The following SYT1 variants were observed in gnomAD, a reference collection of about 807,000 sequenced individuals.
The protein encoded by SYT1 is synaptotagmin-1.
In SYT1, 8 loss-of-function variants were observed where a neutral mutation model predicts 44.8. That is an observed-to-expected ratio of 0.18 (90% CI 0.10 to 0.32). The LOEUF is 0.32. Ranked by LOEUF, SYT1 falls within the 10% of genes least tolerant of loss-of-function variation. The pLI is 1.00. For synonymous variants in SYT1, 154 were observed against 188.8 expected, an observed-to-expected ratio of 0.82 and a Z score of 1.51; for missense variants, 286 against 509.3, an observed-to-expected ratio of 0.56 and a Z score of 4.22.
intron 9 of SYT1, among the ~76,000 whole-genome samples, chr12:79,414,127 T>C (rs1868593558): frequency 6.6e-6 from 1 of 152,220 alleles, no homozygotes; most frequent in African/African-American, 2.4e-5. Flanking sequence ...TCTATTTTTC[T>C]TCCTCTATAG....
chr12:79,086,650 G>A (rs1372630820), intron 3 of SYT1, among the ~76,000 whole-genome samples: 2 of 152,278 alleles, frequency 1.3e-5, no homozygotes, highest in East Asian at 1.9e-4. Context: ...AACTATTTGT[G>A]TGTTGGCTTG....
At chr12:79,044,479 A>T (rs942024749) in intron 2 of SYT1, among the ~76,000 whole-genome samples, 5 of 148,054 alleles carry the variant, frequency 3.4e-5, no homozygotes, top group Admixed American at 3.4e-4. Context: ...CAGCTCCATC[A>T]GCTCCTTTAA....
chr12:79,345,824 T>A (rs1469777567), intron 8 of SYT1, among the ~76,000 whole-genome samples: 1 of 152,220 alleles, frequency 6.6e-6, no homozygotes, highest in Admixed American at 6.5e-5. Context: ...GAAGACTGTT[T>A]TAGTATTTTT....
At chr12:79,097,043 G>A (rs1565805038) in intron 3 of SYT1, among the ~76,000 whole-genome samples, 1 of 151,988 alleles carries the variant, frequency 6.6e-6, no homozygotes, top group Non-Finnish European at 1.5e-5. Context: ...ATTGACTGAG[G>A]TTGAATCAGG....
intron 1 of SYT1, among the ~76,000 whole-genome samples, chr12:78,958,373 A>C (rs1879324234): frequency 1.3e-5 from 2 of 151,498 alleles, no homozygotes; most frequent in Admixed American, 6.6e-5. Flanking sequence ...CCTATCAGTT[A>C]TGTTCAGGAA....
chr12:78,876,342 T>A (rs1874066636), intron 1 of SYT1, among the ~76,000 whole-genome samples: 1 of 151,236 alleles, frequency 6.6e-6, no homozygotes, highest in Admixed American at 6.6e-5. Context: ...TACCACGCAA[T>A]CTGCTACACA....
At chr12:79,028,049 T>C (rs1257300684) in intron 2 of SYT1, among the ~76,000 whole-genome samples, 1 of 151,568 alleles carries the variant, frequency 6.6e-6, no homozygotes, top group Non-Finnish European at 1.5e-5. Flanking sequence ...ATATTGAATA[T>C]GACCAAATCC....
At chr12:79,229,384 T>C (rs1875723362) in intron 4 of SYT1, among the ~76,000 whole-genome samples, 1 of 152,220 alleles carries the variant, frequency 6.6e-6, no homozygotes, top group Admixed American at 6.5e-5. Context: ...ATTGCTTTGT[T>C]CAAATGCAGT....
rs140557409 is a variant in SYT1 at position 78,897,249 on chromosome 12, A to G, written c.-217+32140A>G. 6.2e-3 allele frequency among the ~76,000 whole-genome samples: 941 copies of G among 152,012 alleles called. 32 individuals carry two copies. In the East Asian group the frequency reaches 0.11, roughly 19 times the overall value. On this transcript the variant is annotated intron_variant, in intron 1 of 10. Coordinates refer to ENST00000261205, the MANE Select transcript of SYT1 (RefSeq NM_005639.3). Reference sequence around the variant, plus strand: ...AAATATTCAGCCTAATTTATCTTTAAAAATGTCAAATACCAGGATACTTTT... The same window carrying G: ...AAATATTCAGCCTAATTTATCTTTAGAAATGTCAAATACCAGGATACTTTT...
intron 1 of SYT1, among the ~76,000 whole-genome samples, chr12:78,898,962 T>A (rs1875511384): frequency 1.3e-5 from 2 of 152,092 alleles, no homozygotes; most frequent in African/African-American, 4.8e-5. Context: ...AATGACCTGT[T>A]GGTTTTGAGA....
intron 3 of SYT1, among the ~76,000 whole-genome samples, chr12:79,207,911 C>T (rs1055653695): frequency 1.2e-4 from 18 of 152,132 alleles, no homozygotes; most frequent in African/African-American, 4.3e-4. Context: ...AAAGAATTCT[C>T]ATTAACAATA....
intron 9 of SYT1, among the ~76,000 whole-genome samples, chr12:79,373,552 T>G (rs1177205469): frequency 6.6e-6 from 1 of 152,174 alleles, no homozygotes; most frequent in African/African-American, 2.4e-5. Flanking sequence ...TTCACAAGCA[T>G]AATATTAGAT....
intron 3 of SYT1, among the ~76,000 whole-genome samples, chr12:79,128,450 C>T (rs965073319): frequency 6.6e-6 from 1 of 152,096 alleles, no homozygotes; most frequent in African/African-American, 2.4e-5. Flanking sequence ...GATAGACAGA[C>T]ACGTAGATAG....
At chr12:79,098,364 T>C (rs565185419) in intron 3 of SYT1, among the ~76,000 whole-genome samples, 1 of 152,154 alleles carries the variant, frequency 6.6e-6, no homozygotes, top group East Asian at 1.9e-4. Flanking sequence ...TTTTTGTATG[T>C]AAATAATAAA....
intron 3 of SYT1, among the ~76,000 whole-genome samples, chr12:79,091,957 C>T (rs1832409426): frequency 6.6e-6 from 1 of 151,898 alleles, no homozygotes; most frequent in Admixed American, 6.6e-5. Context: ...TTCAATTTTG[C>T]TTTGCTGGAA....
chr12:79,158,750 A>G (rs1870761532), intron 3 of SYT1, among the ~76,000 whole-genome samples: 1 of 152,022 alleles, frequency 6.6e-6, no homozygotes, highest in African/African-American at 2.4e-5. Context: ...ATACAAAAAT[A>G]TCTGGCTGTA....
At chr12:79,272,538 G>A (rs1036399857) in intron 4 of SYT1, among the ~76,000 whole-genome samples, 4 of 152,174 alleles carry the variant, frequency 2.6e-5, no homozygotes, top group African/African-American at 7.2e-5. Context: ...CAGAAGCACC[G>A]ACAGAGCCAT....
At chr12:78,993,058 T>C (rs1870127766) in intron 2 of SYT1, among the ~76,000 whole-genome samples, 1 of 152,202 alleles carries the variant, frequency 6.6e-6, no homozygotes, top group South Asian at 2.1e-4. Flanking sequence ...TGTATGCTAA[T>C]AAAATCCCTG....
At chr12:78,969,140 T>A (rs61928064) in intron 1 of SYT1, among the ~76,000 whole-genome samples, 10,928 of 152,254 alleles carry the variant, frequency 0.072, 437 homozygotes, top group African/African-American at 0.1. Flanking sequence ...ACTATTTACA[T>A]GGCATTTACA....
Sources: gnomAD v4.1 joint callset for allele counts (sites outside exome capture counted in the v4.1 genomes callset) on GRCh38, gnomAD v4.1.1 for gene constraint, MANE v1.5 for transcripts, NCBI Gene and HGNC (gene_info 2026-07-23, HGNC 2026-07-21) for gene names.